The following EPHB1 variants were observed in gnomAD, a reference collection of about 807,000 sequenced individuals.
The protein encoded by EPHB1 is ephrin type-B receptor 1.
Under a neutral mutation model 94.4 loss-of-function variants are expected in EPHB1, and 30 were observed. That is an observed-to-expected ratio of 0.32 (90% CI 0.24 to 0.43). The LOEUF (loss-of-function observed/expected upper bound fraction) is 0.43. Ranked by LOEUF, EPHB1 falls within the 20% of genes least tolerant of loss-of-function variation. The pLI is 1.00. For synonymous variants in EPHB1, 522 were observed against 489.1 expected, an observed-to-expected ratio of 1.07 and a Z score of -0.89; for missense variants, 1,055 against 1,308.3, an observed-to-expected ratio of 0.81 and a Z score of 2.99.
At chr3:135,204,692 G>A (rs1942850654) in intron 12 of EPHB1, among the ~76,000 whole-genome samples, 1 of 151,172 alleles carries the variant, frequency 6.6e-6, no homozygotes, top group African/African-American at 2.4e-5. Context: ...AAGTAGAGAA[G>A]GGGTTTTGCC....
At chr3:135,090,244 C>T (rs1938508347) in intron 3 of EPHB1, among the ~76,000 whole-genome samples, 1 of 152,200 alleles carries the variant, frequency 6.6e-6, no homozygotes, top group Non-Finnish European at 1.5e-5. Context: ...CTCAGGTGCT[C>T]AAAAGGAGGG....
At position 134,987,201 on chromosome 3, in the gene EPHB1, G is replaced by A. The variant is rs372555459; in HGVS notation, c.805+35149G>A. ...CTAACATTTATTAAGCATATAATAC[G>A]TACAGGCATTGTCTTAAGTATATTG... On this transcript the variant is annotated intron_variant, in intron 3 of 15. Transcript: ENST00000398015. Among the ~76,000 whole-genome samples, 20 of 152,090 alleles carry A rather than the reference G, an allele frequency of 1.3e-4. 1 individual carries two copies. Among genetic ancestry groups the A allele is most frequent in the Admixed American group, 7.2e-4 (11 of 15,290 alleles).
chr3:134,859,290 T>G (rs927316987), intron 1 of EPHB1, among the ~76,000 whole-genome samples: 1 of 152,168 alleles, frequency 6.6e-6, no homozygotes, highest in South Asian at 2.1e-4. Context: ...GAAGAGTTCC[T>G]TGCAAACATG....
At chr3:135,017,090 T>G (rs1576319286) in intron 3 of EPHB1, among the ~76,000 whole-genome samples, 1 of 152,220 alleles carries the variant, frequency 6.6e-6, no homozygotes, top group East Asian at 1.9e-4. Context: ...GTGATGCTTA[T>G]GTGAATAAGT....
At chr3:135,126,181 T>A (rs979539276) in intron 4 of EPHB1, among the ~76,000 whole-genome samples, 2 of 152,216 alleles carry the variant, frequency 1.3e-5, no homozygotes, top group African/African-American at 4.8e-5. Flanking sequence ...AAAGTTGATA[T>A]TGAAGTACAT....
intron 3 of EPHB1, among the ~76,000 whole-genome samples, chr3:135,052,860 CAAAAAA>C (rs1193207059): frequency 9.1e-4 from 11 of 12,096 alleles, no homozygotes; most frequent in African/African-American, 4.3e-3. Flanking sequence ...GACTCCGTCT[CAAAAAA>C]AAAAAAAAAA....
At chr3:135,180,920 A>G (rs1208111410) in intron 10 of EPHB1, among the ~76,000 whole-genome samples, 1 of 152,184 alleles carries the variant, frequency 6.6e-6, no homozygotes, top group Non-Finnish European at 1.5e-5. Context: ...ATATGCTGTC[A>G]TCTTTTTTAG....
intron 8 of EPHB1, 147 bp from the exon 9 acceptor site, chr3:135,166,795 G>A (rs1941663677): frequency 1.4e-6 from 1 of 727,778 alleles, no homozygotes; most frequent in African/African-American, 1.8e-5. Context: ...AACTGCAGCA[G>A]GAGGGCTGAA....
At chr3:135,030,171 T>G (rs577071029) in intron 3 of EPHB1, among the ~76,000 whole-genome samples, 7,075 of 151,740 alleles carry the variant, frequency 0.047, 525 homozygotes, top group African/African-American at 0.16. Flanking sequence ...TGGTTTGAAT[T>G]TCCTCCCATA....
chr3:134,807,494 A>AGTGT (rs151336394), intron 1 of EPHB1, among the ~76,000 whole-genome samples: 33 of 138,830 alleles, frequency 2.4e-4, no homozygotes, highest in African/African-American at 7.8e-4. Flanking sequence ...TTGGGGAAGG[A>AGTGT]GTGTGTGTGT....
intron 1 of EPHB1, among the ~76,000 whole-genome samples, chr3:134,800,452 A>G (rs185392665): frequency 1.3e-5 from 2 of 152,344 alleles, no homozygotes; most frequent in Admixed American, 1.3e-4. Flanking sequence ...AGAGGGGAAT[A>G]CCAGCTCAGG....
At chr3:135,126,833 A>G (rs771863169) in intron 4 of EPHB1, among the ~76,000 whole-genome samples, 5 of 152,172 alleles carry the variant, frequency 3.3e-5, no homozygotes, top group Non-Finnish European at 4.4e-5. Context: ...AGGTTTCCCC[A>G]ACATAGGTTC....
At chr3:135,077,710 C>T (rs1937991255) in intron 3 of EPHB1, among the ~76,000 whole-genome samples, 1 of 152,178 alleles carries the variant, frequency 6.6e-6, no homozygotes, top group Non-Finnish European at 1.5e-5. Context: ...CCTGGTGCTA[C>T]AGGAGGGACT....
chr3:135,202,155 G>A (rs183992667), intron 12 of EPHB1, among the ~76,000 whole-genome samples: 84 of 152,206 alleles, frequency 5.5e-4, no homozygotes, highest in Admixed American at 3.5e-3. Flanking sequence ...CCGTCAACAC[G>A]ATGAGTACTC....
At chr3:134,812,968 C>T (rs755728570) in intron 1 of EPHB1, among the ~76,000 whole-genome samples, 1 of 152,082 alleles carries the variant, frequency 6.6e-6, no homozygotes, top group Non-Finnish European at 1.5e-5. Context: ...TCAACATGGA[C>T]GGTTGTCTGG....
chr3:135,101,722 A>G (rs1052628015), intron 3 of EPHB1, among the ~76,000 whole-genome samples: 3 of 152,178 alleles, frequency 2.0e-5, no homozygotes, highest in African/African-American at 7.2e-5. Context: ...CATGAATTCT[A>G]TGAGAAAGTA....
chr3:134,872,394 T>A (rs893294542), intron 1 of EPHB1, among the ~76,000 whole-genome samples: 1 of 152,234 alleles, frequency 6.6e-6, no homozygotes, highest in Non-Finnish European at 1.5e-5. Flanking sequence ...TTCTATTTCT[T>A]ATAATTTGGA....
chr3:135,110,880 G>A (rs9851553), intron 4 of EPHB1, among the ~76,000 whole-genome samples: 3 of 152,006 alleles, frequency 2.0e-5, no homozygotes, highest in Non-Finnish European at 4.4e-5. Flanking sequence ...GGGTGGGGGG[G>A]TGGTGTCCCT....
chr3:135,133,077 T>C (rs1272523655), intron 5 of EPHB1, 28 bp downstream of exon 5: 3 of 1,544,802 alleles, frequency 1.9e-6, no homozygotes, highest in Non-Finnish European at 2.6e-6. Flanking sequence ...TGTGCTCCTG[T>C]TTGGATGTGT....
Sources: allele counts gnomAD v4.1 joint callset (sites outside exome capture counted in the v4.1 genomes callset), GRCh38; gene constraint gnomAD v4.1.1; transcripts MANE v1.5; gene names NCBI Gene and HGNC (gene_info 2026-07-23, HGNC 2026-07-21).